The following SSUH2 variants were observed in gnomAD, a reference collection of about 807,000 sequenced individuals.
SSUH2 encodes protein SSUH2 homolog.
A neutral mutation model predicts 55.3 loss-of-function variants in SSUH2; 47 were observed. The observed-to-expected ratio is 0.85, with a 90% CI of 0.67 to 1.08. SSUH2 has a LOEUF of 1.08. SSUH2 is among the 50% of genes least tolerant of loss of function. The pLI is 0.00. For synonymous variants in SSUH2, 212 were observed against 191.5 expected (o/e 1.11, Z -0.89); for missense variants, 535 against 490.7 (o/e 1.09, Z -0.85).
chr3:8,643,505 T>C (rs1186246898), intron 1 of SSUH2, among the ~76,000 whole-genome samples: 6 of 152,184 alleles, frequency 3.9e-5, no homozygotes, highest in Non-Finnish European at 5.9e-5. Context: ...TAAGCCCTCC[T>C]CCAATACATG....
intron 1 of SSUH2, among the ~76,000 whole-genome samples, chr3:8,638,458 A>G (rs567866359): frequency 3.3e-5 from 5 of 152,316 alleles, no homozygotes; most frequent in Admixed American, 6.5e-5. Context: ...GCAAGAAAAC[A>G]CATCTTTGTG....
chr3:8,658,047 C>A (rs1426005025), intron 7 of SSUH2, among the ~76,000 whole-genome samples: 1 of 152,222 alleles, frequency 6.6e-6, no homozygotes, highest in East Asian at 1.9e-4. Context: ...ATCCACTCTG[C>A]AGTGAATGGG....
At chr3:8,659,227 C>T (rs990461103) in intron 6 of SSUH2, among the ~76,000 whole-genome samples, 5 of 152,126 alleles carry the variant, frequency 3.3e-5, no homozygotes, top group African/African-American at 7.2e-5. Context: ...TAACAAACCC[C>T]ACTGGGGCAT....
Position 8,630,897 on chromosome 3 carries a change from A to C in SSUH2, c.433T>G (p.Ser145Ala). 1 of 1,463,374 alleles carries C rather than the reference A, an allele frequency of 6.8e-7. No homozygotes were observed. Among genetic ancestry groups the C allele is most frequent in the Non-Finnish European group, 9.0e-7 (1 of 1,106,530 alleles). 90.6% of individuals were successfully genotyped at this position (1,463,374 alleles called of 1,614,324 possible). Residue 145 changes from serine (S) to alanine (A), a missense_variant, in exon 6 of 12, where the codon TCC (serine) becomes GCC (alanine). By Grantham distance (99) the Ser-to-Ala change is moderately conservative. Coordinates refer to ENST00000544814, the MANE Select transcript of SSUH2 (RefSeq NM_001256748.3). ...HSVDGPQRGA[S>A]PRLWDIKVQG... ...ACCTTGATGTCCCAGAGCCTGGGGGAGGCGCCTCTTTGCGGCCCATCCACA... is the reference window on the plus strand; with the variant it reads ...ACCTTGATGTCCCAGAGCCTGGGGGCGGCGCCTCTTTGCGGCCCATCCACA...
chr3:8,649,268 T>C (rs541101084), upstream of SSUH2, among the ~76,000 whole-genome samples: 30 of 152,254 alleles, frequency 2.0e-4, no homozygotes, highest in Non-Finnish European at 3.5e-4. Flanking sequence ...CCACATCTCC[T>C]GGCTCCTGCA....
At chr3:8,652,719 A>G (rs1702550214) in intron 7 of SSUH2, among the ~76,000 whole-genome samples, 1 of 152,042 alleles carries the variant, frequency 6.6e-6, no homozygotes, top group South Asian at 2.1e-4. Context: ...AGTTTCCCCC[A>G]TTTGAAACAT....
chr3:8,673,273 T>G (rs554456235), intron 3 of SSUH2, among the ~76,000 whole-genome samples: 1 of 152,148 alleles, frequency 6.6e-6, no homozygotes, highest in Admixed American at 6.5e-5. Flanking sequence ...AACAATTACA[T>G]GATCAGTTAT....
chr3:8,661,775 T>C (rs1575332930), intron 6 of SSUH2, among the ~76,000 whole-genome samples: 1 of 152,216 alleles, frequency 6.6e-6, no homozygotes, highest in Admixed American at 6.5e-5. Flanking sequence ...TAAGTAAGCA[T>C]ACCGATATGG....
chr3:8,670,420 A>G (rs1267896105), intron 5 of SSUH2, among the ~76,000 whole-genome samples: 2 of 152,036 alleles, frequency 1.3e-5, no homozygotes, highest in Non-Finnish European at 2.9e-5. Flanking sequence ...CAGGAGTAAC[A>G]TTCCCCTTGG....
chr3:8,662,698 G>A (rs976237402), intron 6 of SSUH2, among the ~76,000 whole-genome samples: 1 of 152,218 alleles, frequency 6.6e-6, no homozygotes, highest in Non-Finnish European at 1.5e-5. Flanking sequence ...TGAAACATCA[G>A]AGAACATCAT....
In SSUH2 at chr3:8,634,424, C is replaced by G. The variant is rs536507897; in HGVS notation, c.210-629G>C. The G allele has an allele frequency of 5.4e-6, 7 of 1,290,558 alleles. No individual in the cohort carries two copies. The South Asian group carries it at 8.6e-5, about 16-fold the overall frequency. The allele number at this position is 1,290,558 out of a possible 1,614,324, so 79.9% of individuals were successfully genotyped here. ...GAAGTCTTTCTGGCCCCAACACCTC[C>G]AAGAGGAAAGAATCCTCCTTCCTCC... On this transcript the variant is annotated intron_variant, in intron 3 of 11. Transcript: ENST00000544814.
chr3:8,630,288 G>A (rs560617376), intron 6 of SSUH2, among the ~76,000 whole-genome samples: 7 of 152,202 alleles, frequency 4.6e-5, no homozygotes, highest in South Asian at 2.1e-4. Context: ...GGCAGTAACC[G>A]GAAAAGAACA....
chr3:8,633,986 G>A (rs1350462959), intron 3 of SSUH2, 191 bp from the exon 4 acceptor site: 7 of 1,599,414 alleles, frequency 4.4e-6, no homozygotes, highest in Non-Finnish European at 6.0e-6. Flanking sequence ...TGAGAACGGG[G>A]CAGGTTTTCC....
At chr3:8,666,620 T>C (rs1189986071) in intron 5 of SSUH2, among the ~76,000 whole-genome samples, 2 of 152,186 alleles carry the variant, frequency 1.3e-5, no homozygotes, top group Non-Finnish European at 2.9e-5. Flanking sequence ...GAAGATGACA[T>C]CTGTGACCAA....
intron 5 of SSUH2, among the ~76,000 whole-genome samples, chr3:8,664,965 C>T (rs1703856532): frequency 6.6e-6 from 1 of 152,180 alleles, no homozygotes; most frequent in Non-Finnish European, 1.5e-5. Context: ...GGCATCTGGC[C>T]CCTGCAGACC....
At chr3:8,622,784 G>A (rs1040224687) in intron 11 of SSUH2, among the ~76,000 whole-genome samples, 6 of 152,184 alleles carry the variant, frequency 3.9e-5, no homozygotes, top group African/African-American at 1.4e-4. Context: ...TTTGAGCACC[G>A]GGTGCCAAAC....
rs906704208 is a variant in SSUH2 at position 8,639,156 on chromosome 3, G to A, written c.29-3299C>T. ...GACGGGCTCAGCAGGGAATGTGGAC[G>A]TCACGGGGCATTGTGTGACACCCAG... On this transcript the variant is annotated intron_variant, in intron 1 of 11. Coordinates refer to ENST00000544814, the MANE Select transcript of SSUH2 (RefSeq NM_001256748.3). Among the ~76,000 whole-genome samples, 79 of 152,298 alleles carry A rather than the reference G, an allele frequency of 5.2e-4. 1 individual carries two copies. Among genetic ancestry groups the A allele is most frequent in the South Asian group, 8.3e-4 (4 of 4,822 alleles).
Position 8,626,276 on chromosome 3 carries a change from G to A in SSUH2, c.720C>T (p.Cys240=). 1 of 1,614,094 alleles carries A rather than the reference G, an allele frequency of 6.2e-7. No individual in the cohort carries two copies. The highest frequency in any genetic ancestry group is 1.7e-5 in the Admixed American group (1 of 60,008). ...SGRGNKTCAT[C]KGEKKLLHFI... is the part of the protein sequence containing the mutation. Reference sequence around the variant, plus strand: ...AGTGCAACAGCTTCTTCTCCCCCTTGCAGGTGGCGCAGGTCTTGTTCCCTC... The same window carrying A: ...AGTGCAACAGCTTCTTCTCCCCCTTACAGGTGGCGCAGGTCTTGTTCCCTC... Residue 240 remains cysteine, a synonymous_variant, in exon 9 of 12, where the codon TGC becomes TGT. Transcript: ENST00000544814.
At chr3:8,678,834 G>T (rs1316495289) in intron 2 of SSUH2, among the ~76,000 whole-genome samples, 1 of 115,134 alleles carries the variant, frequency 8.7e-6, no homozygotes, top group Non-Finnish European at 2.0e-5. Context: ...CCCACGAGGC[G>T]GGGACTGAGA....
Sources: gnomAD v4.1 joint callset for allele counts (sites outside exome capture counted in the v4.1 genomes callset) on GRCh38, gnomAD v4.1.1 for gene constraint, MANE v1.5 for transcripts, NCBI Gene and HGNC (gene_info 2026-07-23, HGNC 2026-07-21) for gene names.